The following HASPIN variants were observed in gnomAD, a reference collection of about 807,000 sequenced individuals.
The protein encoded by HASPIN is serine/threonine-protein kinase haspin.
A neutral mutation model predicts 28.8 loss-of-function variants in HASPIN; 24 were observed. That is an observed-to-expected ratio of 0.83 (90% CI 0.60 to 1.17). The LOEUF is 1.17. HASPIN is among the 50% of genes most tolerant of loss of function. The probability of loss-of-function intolerance (pLI) is 0.00; values close to 1 mark genes in which losing one functional copy is unlikely to be tolerated. For missense variants in HASPIN, 1,016 were observed against 1,018.5 expected, an observed-to-expected ratio of 1.00 and a Z score of 0.03; for synonymous variants, 440 against 413.1, an observed-to-expected ratio of 1.07 and a Z score of -0.79.
rs2051205011 is a variant in HASPIN, at chr17:3,726,075, G to A, written c.2140G>A (p.Asp714Asn). ...CATGGATGAGGACCTGTTTACCGGT[G>A]ACGGTGACTACCAGTTTGACATCTA... The part of the protein sequence containing the change: ...VSMDEDLFTG[D>N]GDYQFDIYRL... The change falls in exon 1 of 1, where the codon GAC becomes AAC. Residue 714 changes from aspartate to asparagine, a missense_variant. This residue lies in a region of HASPIN where 129 missense variants were observed against 156.2 expected (regional missense o/e 0.83). Coordinates refer to ENST00000325418, the MANE Select transcript of HASPIN (RefSeq NM_031965.2). 6.2e-7 allele frequency: 1 copy of A among 1,614,094 alleles called. No individual in the cohort carries two copies. Among genetic ancestry groups the A allele is most frequent in the South Asian group, 1.1e-5 (1 of 91,082 alleles).
At position 3,726,317 on chromosome 17, in the gene HASPIN, C is replaced by T. The variant is rs368399895; in HGVS notation, c.2382C>T (p.His794=). 1.4e-5 allele frequency: 22 copies of T among 1,610,914 alleles called. No individual in the cohort carries two copies. The highest frequency in any genetic ancestry group is 1.9e-5 in the Non-Finnish European group (22 of 1,177,860). ...FSSATDLLCQ[H]SLFK is the part of the protein sequence containing the mutation. ...CTGCCACTGACTTGCTCTGCCAGCACAGTCTGTTTAAGTAAGCTAAATGTA... is the reference window on the plus strand; with the variant it reads ...CTGCCACTGACTTGCTCTGCCAGCATAGTCTGTTTAAGTAAGCTAAATGTA... The change falls in exon 1 of 1, where the codon CAC becomes CAT. Residue 794 remains histidine (H), a synonymous_variant. Coordinates refer to ENST00000325418, the MANE Select transcript of HASPIN (RefSeq NM_031965.2).
chr17:3,726,432 C>T lies in HASPIN; in HGVS notation c.*100C>T, dbSNP rs1474153086. 1 of 762,622 alleles carries T rather than the reference C, an allele frequency of 1.3e-6. No individual in the cohort carries two copies. Among genetic ancestry groups the T allele is most frequent in the Non-Finnish European group, 2.2e-6 (1 of 460,124 alleles). 47.2% of individuals were successfully genotyped at this position (762,622 alleles called of 1,614,324 possible). A position where few individuals can be genotyped will look rare whatever the true frequency, so the allele number is the denominator to read the frequency against. On this transcript the variant is annotated 3_prime_UTR_variant, in exon 1 of 1. Coordinates refer to ENST00000325418, the MANE Select transcript of HASPIN (RefSeq NM_031965.2). ...CCCACAGGAGGGTGGAACTCCCATT[C>T]TCACAGGTTTCCAGTCAGCTTTTCA...
Position 3,725,939 on chromosome 17 carries a change from C to T in HASPIN, c.2004C>T (p.Thr668=). ...KKTSLKKLHY[T]LNGKSSTIPS... ...CCAGCCTCAAAAAACTCCACTACAC[C>T]CTCAATGGGAAGAGCAGCACTATCC... The change falls in exon 1 of 1, where the codon ACC becomes ACT. Residue 668 remains threonine (T), a synonymous_variant. Transcript: ENST00000325418. 1 of 1,613,692 alleles carries T rather than the reference C, an allele frequency of 6.2e-7. No homozygotes were observed. The highest frequency in any genetic ancestry group is 8.5e-7 in the Non-Finnish European group (1 of 1,180,012).
Position 3,724,204 on chromosome 17 carries a change from A to ACCGG in HASPIN, c.272_275dup (p.Ser93AlafsTer164). The ACCGG allele has an allele frequency of 6.3e-7, 1 of 1,593,056 alleles. No homozygotes were observed. Among genetic ancestry groups the ACCGG allele is most frequent in the Non-Finnish European group, 8.5e-7 (1 of 1,177,206 alleles). ...CGTCCCGGCGGCCGAGTGCCCAAGG[A>ACCGG]CCGGCCCAGCCTGACCGTGACCCCA... On this transcript the variant is annotated frameshift_variant, in exon 1 of 1. Coordinates refer to ENST00000325418, the MANE Select transcript of HASPIN (RefSeq NM_031965.2). LOFTEE classifies it low-confidence loss of function (END_TRUNC).
chr17:3,725,598 G>C lies in HASPIN; in HGVS notation c.1663G>C (p.Gly555Arg). 6.2e-7 allele frequency: 1 copy of C among 1,614,096 alleles called. No homozygotes were observed. The highest frequency in any genetic ancestry group is 1.1e-5 in the South Asian group (1 of 91,080). Residue 555 changes from glycine to arginine, a missense_variant, in exon 1 of 1, where the codon GGC becomes CGC. Gly to Arg is a moderately radical substitution (Grantham distance 125, BLOSUM62 -2). Transcript: ENST00000325418. Reference protein sequence around the residue: ...LSGEVCNRTEGFIGLNSVHCV... With the variant: ...LSGEVCNRTERFIGLNSVHCV... ...CGGTGAAGTGTGCAACCGCACAGAA[G>C]GCTTTATCGGGCTGAACTCAGTGCA... is the stretch of plus-strand genomic sequence containing the variant.
In HASPIN at chr17:3,725,303, G is replaced by A. The variant is rs1474834233; in HGVS notation, c.1368G>A (p.Lys456=). ...PLNTLSISNK[K]ASDAEKVYGE... ...ACACTCTAAGTATTTCAAACAAAAA[G>A]GCATCTGATGCTGAAAAGGTTTATG... is the stretch of plus-strand genomic sequence containing the variant. Residue 456 remains lysine, a synonymous_variant, in exon 1 of 1, where the codon AAG becomes AAA. Transcript: ENST00000325418. 1.2e-6 allele frequency: 2 copies of A among 1,614,160 alleles called. No homozygotes were observed. Among genetic ancestry groups the A allele is most frequent in the South Asian group, 2.2e-5 (2 of 91,090 alleles).
rs1338822925 is a variant in HASPIN at position 3,724,556 on chromosome 17, C to G, written c.621C>G (p.Leu207=). 1 of 1,614,144 alleles carries G rather than the reference C, an allele frequency of 6.2e-7. No homozygotes were observed. The highest frequency in any genetic ancestry group is 8.5e-7 in the Non-Finnish European group (1 of 1,180,022). The part of the protein sequence containing the change: ...AASAVPSGLH[L]PEVSLDRASL... ...CAGCCGTCCCGAGCGGCCTCCACCTCCCAGAAGTCTCCCTGGACCGAGCAT... is the reference window on the plus strand; with the variant it reads ...CAGCCGTCCCGAGCGGCCTCCACCTGCCAGAAGTCTCCCTGGACCGAGCAT... Residue 207 remains leucine, a synonymous_variant, in exon 1 of 1, where the codon CTC becomes CTG. Coordinates refer to ENST00000325418, the MANE Select transcript of HASPIN (RefSeq NM_031965.2).
At position 3,724,645 on chromosome 17, in the gene HASPIN, C is replaced by T; in HGVS notation, c.710C>T (p.Thr237Ile). ...AAGGACACCAGGATGGTCCACCAAA[C>T]CCGCGCCAGCCTCAGGTCAGTTCTC... ...GAKDTRMVHQ[T>I]RASLRSVLFG... Residue 237 changes from threonine (T) to isoleucine (I), a missense_variant, in exon 1 of 1, where the codon ACC becomes ATC. Transcript: ENST00000325418. 6.2e-7 allele frequency: 1 copy of T among 1,614,212 alleles called. No homozygotes were observed. Among genetic ancestry groups the T allele is most frequent in the Non-Finnish European group, 8.5e-7 (1 of 1,180,036 alleles).
At position 3,725,530 on chromosome 17, in the gene HASPIN, T is replaced by C. The variant is rs1399895254; in HGVS notation, c.1595T>C (p.Ile532Thr). ...NGSHQKTFEE[I>T]LPEIIISKEL... ...TCCCATCAGAAAACCTTTGAGGAAA[T>C]CCTGCCAGAGATCATCATCTCCAAA... Residue 532 changes from isoleucine (I) to threonine (T), a missense_variant, in exon 1 of 1, where the codon ATC becomes ACC. Around this residue, in one of 3 missense-constraint regions of HASPIN, gnomAD observed 881 missense variants for 845.5 expected, o/e 1.04. Coordinates refer to ENST00000325418, the MANE Select transcript of HASPIN (RefSeq NM_031965.2). 6.2e-7 allele frequency: 1 copy of C among 1,614,170 alleles called. No individual in the cohort carries two copies. The highest frequency in any genetic ancestry group is 1.7e-5 in the Admixed American group (1 of 60,014).
chr17:3,724,291 G>T lies in HASPIN; in HGVS notation c.356G>T (p.Arg119Leu). ...GTGACCCCAAGACGCCTGGGGCTGC[G>T]AGCTCGGCCCCCGCAGAAGTGCAGC... ...LTVTPRRLGL[R>L]ARPPQKCSTP... Residue 119 changes from arginine (R) to leucine (L), a missense_variant, in exon 1 of 1, where the codon CGA becomes CTA. Physicochemically the swap from Arg to Leu is moderately radical, Grantham distance 102. This residue lies in a region of HASPIN where 881 missense variants were observed against 845.5 expected (regional missense o/e 1.04). Coordinates refer to ENST00000325418, the MANE Select transcript of HASPIN (RefSeq NM_031965.2). The T allele has an allele frequency of 6.3e-7, 1 of 1,587,138 alleles. No individual in the cohort carries two copies. The highest frequency in any genetic ancestry group is 8.5e-7 in the Non-Finnish European group (1 of 1,174,012).
chr17:3,725,620 T>C lies in HASPIN; in HGVS notation c.1685T>C (p.Val562Ala). 1 of 1,613,310 alleles carries C rather than the reference T, an allele frequency of 6.2e-7. No individual in the cohort carries two copies. Among genetic ancestry groups the C allele is most frequent in the Non-Finnish European group, 8.5e-7 (1 of 1,179,316 alleles). Residue 562 changes from valine to alanine, a missense_variant, in exon 1 of 1, where the codon GTG becomes GCG. Physicochemically the swap from Val to Ala is moderately conservative, Grantham distance 64. This residue lies in a region of HASPIN where 881 missense variants were observed against 845.5 expected (regional missense o/e 1.04). Coordinates refer to ENST00000325418, the MANE Select transcript of HASPIN (RefSeq NM_031965.2). ...GAAGGCTTTATCGGGCTGAACTCAG[T>C]GCACTGTGTCCAGGGATCTTACCCT... ...RTEGFIGLNS[V>A]HCVQGSYPPL...
Position 3,724,111 on chromosome 17 carries a change from A to G in HASPIN, c.176A>G (p.Gln59Arg). ...SSDASIGDPS[Q>R]SDDPDDPDDP... ...GACGCCAGCATCGGCGACCCCTCGC[A>G]GTCCGACGATCCTGACGATCCCGAC... Residue 59 changes from glutamine (Q) to arginine (R), a missense_variant, in exon 1 of 1, where the codon CAG becomes CGG. Around this residue, in one of 3 missense-constraint regions of HASPIN, gnomAD observed 881 missense variants for 845.5 expected, o/e 1.04. Transcript: ENST00000325418. 1.9e-6 allele frequency: 3 copies of G among 1,594,754 alleles called. No homozygotes were observed. Among genetic ancestry groups the G allele is most frequent in the Non-Finnish European group, 2.5e-6 (3 of 1,177,674 alleles).
At position 3,724,394 on chromosome 17, in the gene HASPIN, C is replaced by T. The variant is rs372988538; in HGVS notation, c.459C>T (p.Cys153=). The change falls in exon 1 of 1, where the codon TGC becomes TGT. Residue 153 remains cysteine, a synonymous_variant. Coordinates refer to ENST00000325418, the MANE Select transcript of HASPIN (RefSeq NM_031965.2). The stretch of plus-strand genomic sequence containing the variant: ...GCCTCAGCCCGGACCTCAGCGTGTG[C>T]GGCCAGCCCAGGGACGGCGACGAGC... ...SGRLSPDLSV[C]GQPRDGDELG... is the part of the protein sequence containing the mutation. The T allele has an allele frequency of 3.7e-6, 6 of 1,609,838 alleles. No individual in the cohort carries two copies. Among genetic ancestry groups the T allele is most frequent in the Admixed American group, 1.7e-5 (1 of 59,682 alleles).
Position 3,725,552 on chromosome 17 carries a change from C to T in HASPIN, c.1617C>T (p.Ser539=). ...AAATCCTGCCAGAGATCATCATCTC[C>T]AAAGAGTTGAGCCTCTTATCCGGTG... is the stretch of plus-strand genomic sequence containing the variant. ...FEEILPEIII[S]KELSLLSGEV... Residue 539 remains serine, a synonymous_variant, in exon 1 of 1, where the codon TCC becomes TCT. Coordinates refer to ENST00000325418, the MANE Select transcript of HASPIN (RefSeq NM_031965.2). 6.2e-7 allele frequency: 1 copy of T among 1,614,204 alleles called. No individual in the cohort carries two copies. The highest frequency in any genetic ancestry group is 8.5e-7 in the Non-Finnish European group (1 of 1,180,038).
rs147493537 is a variant in HASPIN at position 3,725,292 on chromosome 17, T to C, written c.1357T>C (p.Ser453Pro). Residue 453 changes from serine (S) to proline (P), a missense_variant, in exon 1 of 1, where the codon TCA (serine) becomes CCA (proline). Ser to Pro is a moderately conservative substitution (Grantham distance 74). Transcript: ENST00000325418. ...AAGCCCCTTAAACACTCTAAGTATTTCAAACAAAAAGGCATCTGATGCTGA... is the reference window on the plus strand; with the variant it reads ...AAGCCCCTTAAACACTCTAAGTATTCCAAACAAAAAGGCATCTGATGCTGA... ...LLSPLNTLSISNKKASDAEKV... is the reference protein window; with the variant it reads ...LLSPLNTLSIPNKKASDAEKV... 1.6e-4 allele frequency: 258 copies of C among 1,614,056 alleles called. No individual in the cohort carries two copies. The highest frequency in any genetic ancestry group is 2.1e-4 in the Non-Finnish European group (248 of 1,180,054).
In HASPIN at chr17:3,724,046, G is replaced by A; in HGVS notation, c.111G>A (p.Pro37=). ...PGREAAQWFP[P]QDRRRFFNSS... is the part of the protein sequence containing the mutation. ...GGGAAGCCGCGCAGTGGTTCCCGCC[G>A]CAGGACCGGAGGCGTTTCTTCAACA... The change falls in exon 1 of 1, where the codon CCG becomes CCA. Residue 37 remains proline (P), a synonymous_variant. Transcript: ENST00000325418. The A allele has an allele frequency of 6.3e-7, 1 of 1,596,384 alleles. No homozygotes were observed. Among genetic ancestry groups the A allele is most frequent in the Non-Finnish European group, 8.5e-7 (1 of 1,177,364 alleles).
Position 3,724,984 on chromosome 17 carries a change from T to G in HASPIN, c.1049T>G (p.Leu350Arg), listed in dbSNP as rs769121595. The change falls in exon 1 of 1, where the codon CTC (leucine) becomes CGC (arginine). Residue 350 changes from leucine to arginine, a missense_variant. By Grantham distance (102) the Leu-to-Arg change is moderately radical. This residue lies in a region of HASPIN where 881 missense variants were observed against 845.5 expected (regional missense o/e 1.04). Coordinates refer to ENST00000325418, the MANE Select transcript of HASPIN (RefSeq NM_031965.2). Reference protein sequence around the residue: ...SKHQEATETSLLHSHRFKKGQ... With the variant: ...SKHQEATETSRLHSHRFKKGQ... ...CATCAGGAGGCAACGGAAACCTCTC[T>G]CCTCCATTCCCACCGCTTTAAAAAG... 3.1e-6 allele frequency: 5 copies of G among 1,614,058 alleles called. No individual in the cohort carries two copies. In the Admixed American group the frequency reaches 8.3e-5, roughly 27 times the overall value.
In HASPIN at chr17:3,726,438, G is replaced by C; in HGVS notation, c.*106G>C. 1.4e-6 allele frequency: 1 copy of C among 725,234 alleles called. No individual in the cohort carries two copies. The allele number at this position is 725,234 out of a possible 1,614,324, so 44.9% of individuals were successfully genotyped here. A position where few individuals can be genotyped will look rare whatever the true frequency, so the allele number is the denominator to read the frequency against. ...GGAGGGTGGAACTCCCATTCTCACA[G>C]GTTTCCAGTCAGCTTTTCAAACAAG... On this transcript the variant is annotated 3_prime_UTR_variant, in exon 1 of 1. Coordinates refer to ENST00000325418, the MANE Select transcript of HASPIN (RefSeq NM_031965.2).
Position 3,724,114 on chromosome 17 carries a change from C to G in HASPIN, c.179C>G (p.Ser60Cys). 9 of 1,594,820 alleles carry G rather than the reference C, an allele frequency of 5.6e-6. No homozygotes were observed. The highest frequency in any genetic ancestry group is 6.8e-6 in the Non-Finnish European group (8 of 1,177,680). The change falls in exon 1 of 1, where the codon TCC becomes TGC. Residue 60 changes from serine (S) to cysteine (C), a missense_variant. Physicochemically the swap from Ser to Cys is moderately radical, Grantham distance 112. Around this residue, in one of 3 missense-constraint regions of HASPIN, gnomAD observed 881 missense variants for 845.5 expected, o/e 1.04. Coordinates refer to ENST00000325418, the MANE Select transcript of HASPIN (RefSeq NM_031965.2). ...GCCAGCATCGGCGACCCCTCGCAGT[C>G]CGACGATCCTGACGATCCCGACGAC... ...SDASIGDPSQSDDPDDPDDPD... is the reference protein window; with the variant it reads ...SDASIGDPSQCDDPDDPDDPD...
Sources: allele counts gnomAD v4.1 joint callset, GRCh38; gene constraint gnomAD v4.1.1; regional missense constraint gnomAD v4.1.1; transcripts MANE v1.5; gene names NCBI Gene and HGNC (gene_info 2026-07-23, HGNC 2026-07-21).